The following AGPAT3 variants were observed in gnomAD, a reference collection of about 807,000 sequenced individuals.
The protein encoded by AGPAT3 is 1-acyl-sn-glycerol-3-phosphate acyltransferase gamma.
Under a neutral mutation model 47.3 loss-of-function variants are expected in AGPAT3, and 5 were observed. The ratio of observed to expected loss-of-function variants is 0.11; its 90% CI spans 0.06 to 0.22. The LOEUF (loss-of-function observed/expected upper bound fraction) is 0.22. AGPAT3 is among the 10% of genes least tolerant of loss of function. The pLI, the probability that AGPAT3 is intolerant of heterozygous loss-of-function variation, is 1.00. For missense variants in AGPAT3, 315 were observed against 493.0 expected, an observed-to-expected ratio of 0.64 and a Z score of 3.42; for synonymous variants, 212 against 208.3, an observed-to-expected ratio of 1.02 and a Z score of -0.15.
At chr21:43,890,274 G>T (rs564351005) in intron 1 of AGPAT3, among the ~76,000 whole-genome samples, 3 of 152,116 alleles carry the variant, frequency 2.0e-5, no homozygotes, top group Admixed American at 2.0e-4. Context: ...GTGAGACCGC[G>T]CGTCTGCTTC....
rs775646557 is a variant in AGPAT3, at chr21:43,934,278, G to A, written c.-48-25356G>A. Among the ~76,000 whole-genome samples, 4 of 152,190 alleles carry A rather than the reference G, an allele frequency of 2.6e-5. No individual in the cohort carries two copies. The highest frequency in any genetic ancestry group is 2.1e-4 in the South Asian group (1 of 4,826). ...GCTCCCACACACCAGCCCTCTCACC[G>A]CGGTGTGCCTGTCCCCACCTCCCAA... On this transcript the variant is annotated intron_variant, in intron 2 of 9. Transcript: ENST00000291572. This position sits in a 1 kb window ranked among gnomAD's most constrained non-coding sequence, Gnocchi z 4.7.
chr21:43,932,878 G>T lies in AGPAT3; in HGVS notation c.-48-26756G>T, dbSNP rs972860043. Among the ~76,000 whole-genome samples the T allele has an allele frequency of 6.6e-6, 1 of 152,194 alleles. No individual in the cohort carries two copies. The highest frequency in any genetic ancestry group is 1.5e-5 in the Non-Finnish European group (1 of 68,032). On this transcript the variant is annotated intron_variant, in intron 2 of 9. Transcript: ENST00000291572. The surrounding 1 kb of genome is among the most constrained non-coding windows in gnomAD (Gnocchi z 5.2). ...TTGGCCAGACTGGTCTCGAACTCCT[G>T]ACCTCAAGTGATCCACCCGCCTTGG...
At chr21:43,877,749 G>A (rs891991213) in intron 1 of AGPAT3, among the ~76,000 whole-genome samples, 2 of 152,130 alleles carry the variant, frequency 1.3e-5, no homozygotes, top group Admixed American at 1.3e-4. Flanking sequence ...TGGCTGAAAT[G>A]GTGCTATTCT....
At chr21:43,869,750 G>A (rs1217742398) in intron 1 of AGPAT3, among the ~76,000 whole-genome samples, 1 of 152,174 alleles carries the variant, frequency 6.6e-6, no homozygotes, top group Admixed American at 6.5e-5. Context: ...CCCCTGAAGG[G>A]GTCCCGAAGG....
rs1247637546 is a variant in AGPAT3 at position 43,922,374 on chromosome 21, G to A, written c.-49+18355G>A. Reference sequence around the variant, plus strand: ...AGTGCAGCCCCCAGGACGCTGGGCCGAGCCAGGCAGGGACCTGCTTCAGTC... The same window carrying A: ...AGTGCAGCCCCCAGGACGCTGGGCCAAGCCAGGCAGGGACCTGCTTCAGTC... On this transcript the variant is annotated intron_variant, in intron 2 of 9. Coordinates refer to ENST00000291572, the MANE Select transcript of AGPAT3 (RefSeq NM_020132.5). The surrounding 1 kb of genome is among the most constrained non-coding windows in gnomAD (Gnocchi z 4.9). 3.9e-5 allele frequency among the ~76,000 whole-genome samples: 6 copies of A among 152,234 alleles called. No homozygotes were observed. The highest frequency in any genetic ancestry group is 7.2e-5 in the African/African-American group (3 of 41,448).
intron 2 of AGPAT3, among the ~76,000 whole-genome samples, chr21:43,918,976 G>T (rs1461262040): frequency 6.6e-6 from 1 of 151,872 alleles, no homozygotes. Context: ...CATCACCATC[G>T]TTATTACTTA....
At chr21:43,968,579 C>T (rs1428157505) in intron 4 of AGPAT3, among the ~76,000 whole-genome samples, 2 of 151,974 alleles carry the variant, frequency 1.3e-5, no homozygotes, top group African/African-American at 4.8e-5. Context: ...GGGTCCGAGT[C>T]CCTGGGTGTT....
chr21:43,975,866 C>T (rs1362783949), intron 7 of AGPAT3, among the ~76,000 whole-genome samples: 1 of 152,208 alleles, frequency 6.6e-6, no homozygotes, highest in East Asian at 1.9e-4. Context: ...GCCGCCCTTC[C>T]TTAGCAAAGT....
intron 1 of AGPAT3, among the ~76,000 whole-genome samples, chr21:43,895,335 C>T (rs1166373653): frequency 6.6e-6 from 1 of 151,838 alleles, no homozygotes; most frequent in Non-Finnish European, 1.5e-5. Context: ...TCTCTAACTC[C>T]TGAGCTCAGG....
chr21:43,889,808 T>C (rs987408403), intron 1 of AGPAT3, among the ~76,000 whole-genome samples: 2 of 152,240 alleles, frequency 1.3e-5, no homozygotes, highest in African/African-American at 4.8e-5. Flanking sequence ...CTAATGATCA[T>C]CTGAGCCTTC....
At chr21:43,944,790 G>A (rs1044907260) in intron 2 of AGPAT3, among the ~76,000 whole-genome samples, 5 of 152,330 alleles carry the variant, frequency 3.3e-5, no homozygotes, top group Non-Finnish European at 7.3e-5. Context: ...TCAATACACC[G>A]TGCCAGGAAA....
rs1601460237 is a variant in AGPAT3, at chr21:43,970,951, G to A, written c.664+145G>A. 7 of 924,884 alleles carry A rather than the reference G, an allele frequency of 7.6e-6. No homozygotes were observed. In the East Asian group the frequency reaches 1.2e-4, roughly 16 times the overall value. 57.3% of individuals were successfully genotyped at this position (924,884 alleles called of 1,614,324 possible). On this transcript the variant is annotated intron_variant, in intron 6 of 9. Transcript: ENST00000291572. The surrounding 1 kb of genome is among the most constrained non-coding windows in gnomAD (Gnocchi z 5.8). Reference sequence around the variant, plus strand: ...GGAATCAAGTGAGGGGGTCGGCGCCGCAAGGTTCCCGCGTCAGGTTTTGAG... The same window carrying A: ...GGAATCAAGTGAGGGGGTCGGCGCCACAAGGTTCCCGCGTCAGGTTTTGAG...
Position 43,939,346 on chromosome 21 carries a change from C to T in AGPAT3, c.-48-20288C>T, listed in dbSNP as rs1303654771. ...GTTGTTGTCGGGGGCCTCCCGCGCC[C>T]CAGGAGGTTTCCCAGGGCGATGCTC... is the stretch of plus-strand genomic sequence containing the variant. On this transcript the variant is annotated intron_variant, in intron 2 of 9. Coordinates refer to ENST00000291572, the MANE Select transcript of AGPAT3 (RefSeq NM_020132.5). The surrounding 1 kb of genome is among the most constrained non-coding windows in gnomAD (Gnocchi z 4.4). Among the ~76,000 whole-genome samples, 2 of 152,274 alleles carry T rather than the reference C, an allele frequency of 1.3e-5. No individual in the cohort carries two copies. Among genetic ancestry groups the T allele is most frequent in the East Asian group, 3.9e-4 (2 of 5,176 alleles).
intron 2 of AGPAT3, among the ~76,000 whole-genome samples, chr21:43,950,035 C>G (rs1219964964): frequency 6.6e-6 from 1 of 152,242 alleles, no homozygotes; most frequent in Non-Finnish European, 1.5e-5. Flanking sequence ...GCCAGGCAGT[C>G]TTGGAAGCCT....
intron 2 of AGPAT3, among the ~76,000 whole-genome samples, chr21:43,927,032 A>G (rs868653372): frequency 1.3e-5 from 2 of 149,692 alleles, no homozygotes; most frequent in South Asian, 4.2e-4. Flanking sequence ...TGCCTAGGCT[A>G]GTCTCAAACT....
At chr21:43,882,784 T>A (rs1650442811) in intron 1 of AGPAT3, among the ~76,000 whole-genome samples, 1 of 152,190 alleles carries the variant, frequency 6.6e-6, no homozygotes, top group South Asian at 2.1e-4. Flanking sequence ...CAGCCACGGG[T>A]GCCCTGGTCT....
intron 3 of AGPAT3, among the ~76,000 whole-genome samples, chr21:43,962,866 C>T (rs1404778062): frequency 2.1e-5 from 3 of 144,688 alleles, no homozygotes; most frequent in East Asian, 2.0e-4. Flanking sequence ...AGAATGACAA[C>T]GTAAACAGCA....
At position 43,985,302 on chromosome 21, in the gene AGPAT3, C is replaced by A. The variant is rs1268654003; in HGVS notation, c.*2910C>A. The A allele has an allele frequency of 2.3e-6, 1 of 434,670 alleles. No individual in the cohort carries two copies. The highest frequency in any genetic ancestry group is 3.4e-4 in the Middle Eastern group (1 of 2,982). 26.9% of individuals were successfully genotyped at this position (434,670 alleles called of 1,614,324 possible). On this transcript the variant is annotated 3_prime_UTR_variant, in exon 10 of 10. Coordinates refer to ENST00000291572, the MANE Select transcript of AGPAT3 (RefSeq NM_020132.5). ...CACCCTATGTGAGGTGCTTTAAGGTCCCTGTCCTCAGGAAGCGCAGTCTGG... is the reference window on the plus strand; with the variant it reads ...CACCCTATGTGAGGTGCTTTAAGGTACCTGTCCTCAGGAAGCGCAGTCTGG...
At chr21:43,911,392 G>A (rs1260965283) in intron 2 of AGPAT3, among the ~76,000 whole-genome samples, 2 of 151,944 alleles carry the variant, frequency 1.3e-5, no homozygotes, top group African/African-American at 2.4e-5. Flanking sequence ...CTAGAGCTGC[G>A]CTCTTATATT....
Sources: gnomAD v4.1 joint callset for allele counts (sites outside exome capture counted in the v4.1 genomes callset) on GRCh38, gnomAD v4.1.1 for gene constraint, Gnocchi (gnomAD v3.1) non-coding constraint, MANE v1.5 for transcripts, NCBI Gene and HGNC (gene_info 2026-07-23, HGNC 2026-07-21) for gene names.